DOCK9: variants seen among roughly 807,000 people sequenced by gnomAD.
DOCK9 encodes dedicator of cytokinesis protein 9.
DOCK9 carries 89 observed loss-of-function variants against 263.3 expected under a neutral mutation model. The observed-to-expected ratio is 0.34, with a 90% CI of 0.28 to 0.40. The LOEUF (loss-of-function observed/expected upper bound fraction) is 0.40. Ranked by LOEUF, DOCK9 falls within the 10% of genes least tolerant of loss-of-function variation. The pLI, the probability that DOCK9 is intolerant of heterozygous loss-of-function variation, is 1.00. For synonymous variants in DOCK9, 976 were observed against 973.1 expected (o/e 1.00, Z -0.06); for missense variants, 2,140 against 2,603.4 (o/e 0.82, Z 3.87).
chr13:99,081,803 A>C lies in DOCK9; in HGVS notation c.129+4420T>G, dbSNP rs145632602. On this transcript the variant is annotated intron_variant, in intron 1 of 32. Transcript: ENST00000427887. Reference sequence around the variant, plus strand: ...TTCTTCTGAGTTCGCGTACGTTTTGAACATGCTACCTTCCTGACTATTCTA... The same window carrying C: ...TTCTTCTGAGTTCGCGTACGTTTTGCACATGCTACCTTCCTGACTATTCTA... Among the ~76,000 whole-genome samples, 495 of 152,352 alleles carry C rather than the reference A, an allele frequency of 3.2e-3. 3 individuals carry two copies. Among genetic ancestry groups the C allele is most frequent in the African/African-American group, 0.011 (468 of 41,592 alleles).
chr13:99,018,651 C>T (rs905608542), intron 1 of DOCK9, among the ~76,000 whole-genome samples: 10 of 152,120 alleles, frequency 6.6e-5, no homozygotes, highest in East Asian at 1.9e-4. Context: ...AGAAGCAAGA[C>T]AAAATGAGTA....
chr13:99,075,678 A>C (rs2041881796), intron 1 of DOCK9, among the ~76,000 whole-genome samples: 2 of 117,670 alleles, frequency 1.7e-5, no homozygotes, highest in African/African-American at 6.2e-5. Context: ...GGCACTATTT[A>C]TAACTTTTTT....
chr13:98,945,904 G>A (rs974500524), intron 2 of DOCK9, among the ~76,000 whole-genome samples: 6 of 152,178 alleles, frequency 3.9e-5, no homozygotes, highest in African/African-American at 1.4e-4. Flanking sequence ...GGACCAGCAA[G>A]GCCAAAGAGG....
chr13:98,885,184 A>G, intron 20 of DOCK9, 92 bp from the exon 21 acceptor site: 2 of 1,521,270 alleles, frequency 1.3e-6, no homozygotes, highest in Admixed American at 2.1e-5. Context: ...TCTGATTTTT[A>G]AGAACTTTTC....
chr13:98,901,129 T>C (rs1470128720), intron 13 of DOCK9, among the ~76,000 whole-genome samples: 4 of 152,228 alleles, frequency 2.6e-5, no homozygotes, highest in East Asian at 3.8e-4. Context: ...ACTGAGCAGA[T>C]CACTAAGCCT....
chr13:98,828,571 A>T (rs543165621), intron 43 of DOCK9, among the ~76,000 whole-genome samples: 77 of 152,340 alleles, frequency 5.1e-4, no homozygotes, highest in African/African-American at 1.7e-3. Flanking sequence ...ATTAATTCAA[A>T]CAGTTATAAA....
chr13:99,039,918 TCA>T (rs1888293486), intron 1 of DOCK9, among the ~76,000 whole-genome samples: 1 of 152,326 alleles, frequency 6.6e-6, no homozygotes, highest in South Asian at 2.1e-4. Flanking sequence ...CCTCTAAGAC[TCA>T]GTTTTCTCAT....
At chr13:99,020,493 C>T (rs1370441049) in intron 1 of DOCK9, among the ~76,000 whole-genome samples, 1 of 152,168 alleles carries the variant, frequency 6.6e-6, no homozygotes, top group Non-Finnish European at 1.5e-5. Flanking sequence ...GTGGTCATAA[C>T]AAACCTCAGC....
At chr13:98,980,409 C>A (rs1035037155), upstream of DOCK9, among the ~76,000 whole-genome samples, 1 of 152,178 alleles carries the variant, frequency 6.6e-6, no homozygotes, top group African/African-American at 2.4e-5. Flanking sequence ...ACTTGCAGAA[C>A]GTTATACAGA....
intron 7 of DOCK9, among the ~76,000 whole-genome samples, chr13:98,915,917 GCTC>G (rs1180409325): frequency 2.0e-5 from 3 of 151,960 alleles, no homozygotes; most frequent in African/African-American, 7.3e-5. Context: ...TATTTCTTCA[GCTC>G]CTATTTTTTT....
At chr13:98,882,292 G>A (rs2044909468) in intron 23 of DOCK9, among the ~76,000 whole-genome samples, 1 of 152,148 alleles carries the variant, frequency 6.6e-6, no homozygotes, top group Non-Finnish European at 1.5e-5. Context: ...GGAGACAGAA[G>A]GGGAGAGGAG....
chr13:98,903,623 A>AAAAAAAAAAC, intron 10 of DOCK9, among the ~76,000 whole-genome samples: 1 of 21,308 alleles, frequency 4.7e-5, no homozygotes, highest in Non-Finnish European at 1.3e-4. Flanking sequence ...AAAAAAAGAC[A>AAAAAAAAAAC]AAAAAAAAAA....
intron 7 of DOCK9, among the ~76,000 whole-genome samples, chr13:98,916,219 T>G (rs1194424441): frequency 6.6e-6 from 1 of 152,224 alleles, no homozygotes; most frequent in Non-Finnish European, 1.5e-5. Context: ...TTCTTTGTTG[T>G]GAGTGGCTGG....
Position 98,796,895 on chromosome 13 carries a change from G to T in DOCK9, c.6156+220C>A, listed in dbSNP as rs1034597144. ...CCACCTCTTAGAGCCACGAGGAGGC[G>T]GGCCCGCTCTCCCCTGCTTGCCGTA... On this transcript the variant is annotated intron_variant, in intron 52 of 52. Coordinates refer to ENST00000682017, the MANE Select transcript of DOCK9 (RefSeq NM_001366683.2). Among the ~76,000 whole-genome samples, 7 of 152,190 alleles carry T rather than the reference G, an allele frequency of 4.6e-5. No homozygotes were observed. In the East Asian group the frequency reaches 1.2e-3, roughly 25 times the overall value.
At chr13:99,079,255 G>A (rs1442934140) in intron 1 of DOCK9, among the ~76,000 whole-genome samples, 9 of 152,222 alleles carry the variant, frequency 5.9e-5, no homozygotes, top group African/African-American at 9.6e-5. Flanking sequence ...TTTGACTTTT[G>A]TATGGTACTT....
chr13:98,886,532 C>G lies in DOCK9; in HGVS notation c.2136G>C (p.Glu712Asp). The change falls in exon 19 of 53, where the codon GAG becomes GAC. Residue 712 changes from glutamate (E) to aspartate (D), a missense_variant and splice_region_variant. By Grantham distance (45) the Glu-to-Asp change is conservative (BLOSUM62 2). Transcript: ENST00000682017. ...HHHQNPEFYDEIKIELPTQLH... is the reference protein window; with the variant it reads ...HHHQNPEFYDDIKIELPTQLH... ...GTTTTCCCTTAAAAACATCACTTAC[C>G]TCATCATAAAATTCTGGGTTTTGGT... The G allele has an allele frequency of 6.2e-7, 1 of 1,613,404 alleles. No individual in the cohort carries two copies. The highest frequency in any genetic ancestry group is 8.5e-7 in the Non-Finnish European group (1 of 1,179,492).
chr13:98,937,906 T>C (rs2055158263), intron 2 of DOCK9, among the ~76,000 whole-genome samples: 2 of 152,218 alleles, frequency 1.3e-5, no homozygotes, highest in African/African-American at 2.4e-5. Flanking sequence ...GTTACGGTGA[T>C]GTTTCTGAGC....
intron 1 of DOCK9, among the ~76,000 whole-genome samples, chr13:99,021,111 T>G (rs1371299191): frequency 6.6e-6 from 1 of 152,216 alleles, no homozygotes; most frequent in Non-Finnish European, 1.5e-5. Flanking sequence ...CCAATCAATA[T>G]AATCAAATGT....
chr13:98,870,178 C>A (rs1247387889), intron 27 of DOCK9, among the ~76,000 whole-genome samples: 4 of 152,206 alleles, frequency 2.6e-5, no homozygotes, highest in Non-Finnish European at 5.9e-5. Flanking sequence ...TTATATTATG[C>A]ATTAAATGCC....
Sources: gnomAD v4.1 joint callset for allele counts (sites outside exome capture counted in the v4.1 genomes callset) on GRCh38, gnomAD v4.1.1 for gene constraint, MANE v1.5 for transcripts, NCBI Gene and HGNC (gene_info 2026-07-23, HGNC 2026-07-21) for gene names.